DBR1: variants seen among roughly 807,000 people sequenced by gnomAD.
DBR1 encodes the protein debranching RNA lariats 1.
Under a neutral mutation model 45.9 loss-of-function variants are expected in DBR1, and 33 were observed. That is an observed-to-expected ratio of 0.72 (90% CI 0.55 to 0.96). The LOEUF (loss-of-function observed/expected upper bound fraction) is 0.96. Among genes scored for constraint, DBR1 ranks in the 40% least tolerant of loss-of-function variants. The pLI is 0.00. For missense variants in DBR1, 619 were observed against 667.4 expected, an observed-to-expected ratio of 0.93 and a Z score of 0.80; for synonymous variants, 235 against 235.9, an observed-to-expected ratio of 1.00 and a Z score of 0.04.
At chr3:138,168,268 A>G (rs1051555824) in intron 4 of DBR1, among the ~76,000 whole-genome samples, 1 of 152,214 alleles carries the variant, frequency 6.6e-6, no homozygotes, top group Non-Finnish European at 1.5e-5. Context: ...CTGTAATCCC[A>G]GCACTTTAGG....
rs752371888 is a variant in DBR1 at position 138,161,596 on chromosome 3, A to G, written c.*293T>C. On this transcript the variant is annotated 3_prime_UTR_variant, in exon 8 of 8. Coordinates refer to ENST00000260803, the MANE Select transcript of DBR1 (RefSeq NM_016216.4). The stretch of plus-strand genomic sequence containing the variant: ...CACAGTGGCTCACGCCTGTAATCCC[A>G]GCACTTTAGAAGGCCAAGACAGGTG... The G allele has an allele frequency of 8.5e-5, 26 of 304,742 alleles. No homozygotes were observed. Among genetic ancestry groups the G allele is most frequent in the Admixed American group, 1.3e-4 (3 of 22,466 alleles). The allele number at this position is 304,742 out of a possible 1,614,324, so 18.9% of individuals were successfully genotyped here.
Position 138,161,812 on chromosome 3 carries a change from C to T in DBR1, c.*77G>A. The T allele has an allele frequency of 8.4e-7, 1 of 1,189,150 alleles. No homozygotes were observed. The highest frequency in any genetic ancestry group is 1.2e-6 in the Non-Finnish European group (1 of 810,164). The allele number at this position is 1,189,150 out of a possible 1,614,324, so 73.7% of individuals were successfully genotyped here. ...GGTGAGCCGAGATCACGCCATTGCA[C>T]TCCAGTCTAGGTGACAAGAGTGAAA... On this transcript the variant is annotated 3_prime_UTR_variant, in exon 8 of 8. Transcript: ENST00000260803.
intron 6 of DBR1, 34 bp from the exon 7 acceptor site, chr3:138,163,528 T>G: frequency 7.3e-7 from 1 of 1,369,238 alleles, no homozygotes; most frequent in Non-Finnish European, 1.0e-6. Flanking sequence ...GAAATACATA[T>G]ATATTTGTAA....
At chr3:138,172,982 G>A (rs1321005030) in intron 2 of DBR1, among the ~76,000 whole-genome samples, 1 of 150,836 alleles carries the variant, frequency 6.6e-6, no homozygotes, top group African/African-American at 2.4e-5. Context: ...TACTGTAGTA[G>A]TATTTTTAAA....
At chr3:138,170,987 T>C (rs575553334) in intron 3 of DBR1, among the ~76,000 whole-genome samples, 8 of 152,264 alleles carry the variant, frequency 5.3e-5, no homozygotes, top group Admixed American at 5.2e-4. Flanking sequence ...ACAAGTACAT[T>C]GTTTAAAGTT....
At chr3:138,170,038 C>T (rs1024100397) in intron 4 of DBR1, 69 bp downstream of exon 4, 8 of 1,030,292 alleles carry the variant, frequency 7.8e-6, no homozygotes, top group Admixed American at 1.9e-5. Flanking sequence ...CCAATATGAC[C>T]AAAATACATT....
At chr3:138,173,757 C>T in intron 1 of DBR1, 131 bp from the exon 2 acceptor site, 1 of 1,030,956 alleles carries the variant, frequency 9.7e-7, no homozygotes, top group Admixed American at 2.7e-5. Flanking sequence ...TTGCCTGGGG[C>T]TGGGCGCGGT....
Position 138,161,001 on chromosome 3 carries a change from G to C in DBR1, c.*888C>G, listed in dbSNP as rs1004642325. 4 of 151,762 alleles carry C rather than the reference G, an allele frequency of 2.6e-5. No homozygotes were observed. The highest frequency in any genetic ancestry group is 2.1e-4 in the South Asian group (1 of 4,802). The allele number at this position is 151,762 out of a possible 1,614,324, so 9.4% of individuals were successfully genotyped here. On this transcript the variant is annotated 3_prime_UTR_variant, in exon 8 of 8. Coordinates refer to ENST00000260803, the MANE Select transcript of DBR1 (RefSeq NM_016216.4). ...TAATCTCAGCAAATTAAGATTGTAC[G>C]TTTACCAATGTTTAGTATTCAGAGT... is the stretch of plus-strand genomic sequence containing the variant.
chr3:138,167,267 C>T lies in DBR1; in HGVS notation c.528G>A (p.Trp176Ter), dbSNP rs753782397. 6.2e-7 allele frequency: 1 copy of T among 1,611,286 alleles called. No individual in the cohort carries two copies. The part of the protein sequence containing the change: ...QPIDIFLSHD[W>*]PRSIYHYGNK... ...TTCCATAATGATATATACTTCTTGG[C>T]CAATCATGAGACAAGAATATATCTA... Residue 176 changes from tryptophan to a stop codon, truncating the protein, a stop_gained, in exon 5 of 8, where the codon TGG becomes TGA. Transcript: ENST00000260803. LOFTEE classifies it high-confidence loss of function.
intron 1 of DBR1, among the ~76,000 whole-genome samples, chr3:138,174,000 A>C (rs2042967033): frequency 6.8e-6 from 1 of 146,674 alleles, no homozygotes; most frequent in Non-Finnish European, 1.5e-5. Context: ...CAGCCTGGGC[A>C]ACAAAGCGAA....
intron 4 of DBR1, among the ~76,000 whole-genome samples, chr3:138,169,573 A>G (rs143415796): frequency 3.0e-3 from 464 of 152,270 alleles, no homozygotes; most frequent in African/African-American, 0.011. Flanking sequence ...CCTTAACCTA[A>G]GTAATATTTG....
chr3:138,170,214 A>G lies in DBR1; in HGVS notation c.404-22T>C, dbSNP rs1388329466. On this transcript the variant is annotated intron_variant, in intron 3 of 7. Transcript: ENST00000260803. ...TGACCTTAGATTGAAGCAGAAAAAT[A>G]AGCTATATTTAATTTCCTTAAATAC... 11 of 1,465,726 alleles carry G rather than the reference A, an allele frequency of 7.5e-6. No homozygotes were observed. The East Asian group carries it at 2.5e-4, about 33-fold the overall frequency. The allele number at this position is 1,465,726 out of a possible 1,614,324, so 90.8% of individuals were successfully genotyped here.
intron 4 of DBR1, among the ~76,000 whole-genome samples, chr3:138,167,755 C>G (rs6775180): frequency 0.015 from 2,353 of 152,138 alleles, 60 homozygotes; most frequent in African/African-American, 0.053. Context: ...AAACGAGCCT[C>G]ACCAACATGG....
intron 5 of DBR1, chr3:138,164,066 T>A (rs2042919632): frequency 5.2e-6 from 2 of 382,052 alleles, no homozygotes; most frequent in Middle Eastern, 7.4e-4. Context: ...GACCTTCAAT[T>A]TCCATACAAA....
rs1420213664 is a variant in DBR1, at chr3:138,167,165, G to A, written c.630C>T (p.Ala210=). Residue 210 remains alanine (A), a synonymous_variant, in exon 5 of 8, where the codon GCC becomes GCT. Coordinates refer to ENST00000260803, the MANE Select transcript of DBR1 (RefSeq NM_016216.4). ...VENNTLGSPA[A]SELLEHLKPT... is the part of the protein sequence containing the mutation. ...GTTTGAGATGCTCTAAAAGCTCTGAGGCAGCTGGACTTCCTAATGTGTTAT... is the reference window on the plus strand; with the variant it reads ...GTTTGAGATGCTCTAAAAGCTCTGAAGCAGCTGGACTTCCTAATGTGTTAT... 6.2e-7 allele frequency: 1 copy of A among 1,614,028 alleles called. No homozygotes were observed. The highest frequency in any genetic ancestry group is 8.5e-7 in the Non-Finnish European group (1 of 1,180,022).
chr3:138,173,187 G>A (rs190375450), intron 2 of DBR1, among the ~76,000 whole-genome samples: 59 of 150,564 alleles, frequency 3.9e-4, no homozygotes, highest in African/African-American at 1.2e-3. Context: ...TTTTGTGTAT[G>A]CTTAAGAATT....
At position 138,170,159 on chromosome 3, in the gene DBR1, G is replaced by T. The variant is rs755206811; in HGVS notation, c.437C>A (p.Thr146Lys). The change falls in exon 4 of 8, where the codon ACA becomes AAA. Residue 146 changes from threonine (T) to lysine (K), a missense_variant. By Grantham distance (78) the Thr-to-Lys change is moderately conservative. Around this residue, in one of 3 missense-constraint regions of DBR1, gnomAD observed 430 missense variants for 447.7 expected, o/e 0.96. Coordinates refer to ENST00000260803, the MANE Select transcript of DBR1 (RefSeq NM_016216.4). ...HFECPPYNSS[T>K]IRSIYHVRNI... ...TCTCACATGATATATACTCCTGATT[G>T]TAGATGAATTATAAGGGGGGCACTC... is the stretch of plus-strand genomic sequence containing the variant. 1 of 1,598,744 alleles carries T rather than the reference G, an allele frequency of 6.3e-7. No homozygotes were observed. Among genetic ancestry groups the T allele is most frequent in the Non-Finnish European group, 8.5e-7 (1 of 1,171,074 alleles).
intron 7 of DBR1, 39 bp from the exon 8 acceptor site, chr3:138,162,621 A>G (rs1360963184): frequency 6.8e-7 from 1 of 1,474,658 alleles, no homozygotes; most frequent in African/African-American, 1.4e-5. Context: ...ACATTTTATC[A>G]GCTCTAAACA....
At chr3:138,167,024 G>T in intron 5 of DBR1, 57 bp downstream of exon 5, 1 of 1,467,012 alleles carries the variant, frequency 6.8e-7, no homozygotes, top group Non-Finnish European at 9.5e-7. Context: ...ACTGTGTCTG[G>T]TCCATAGATG....
Sources: gnomAD v4.1 joint callset for allele counts (sites outside exome capture counted in the v4.1 genomes callset) on GRCh38, gnomAD v4.1.1 for gene constraint, gnomAD v4.1.1 regional missense constraint, MANE v1.5 for transcripts, NCBI Gene and HGNC (gene_info 2026-07-23, HGNC 2026-07-21) for gene names.